Variants in INSL6 observed in about 807,000 individuals in gnomAD.
INSL6 encodes the protein insulin-like peptide INSL6.
Under a neutral mutation model 9.4 loss-of-function variants are expected in INSL6, and 16 were observed. The ratio of observed to expected loss-of-function variants is 1.70; its 90% CI spans 1.15 to 2.59. The LOEUF is 2.59. INSL6 is among the 30% of genes most tolerant of loss of function. The pLI is 0.00. For missense variants in INSL6, 391 were observed against 257.3 expected (o/e 1.52, Z -3.56); for synonymous variants, 154 against 96.9 (o/e 1.59, Z -3.46).
chr9:5,137,587 C>A (rs1056606629), intron 2 of INSL6, among the ~76,000 whole-genome samples: 1 of 152,054 alleles, frequency 6.6e-6, no homozygotes, highest in Non-Finnish European at 1.5e-5. Context: ...CAAAAATTAA[C>A]TCAAGATGGA....
chr9:5,134,786 G>A (rs1486338605), intron 2 of INSL6, among the ~76,000 whole-genome samples: 1 of 151,978 alleles, frequency 6.6e-6, no homozygotes, highest in Non-Finnish European at 1.5e-5. Flanking sequence ...CAACTAAAGG[G>A]CAAAATAATC....
At chr9:5,147,340 C>T (rs922810989) in intron 2 of INSL6, among the ~76,000 whole-genome samples, 2 of 152,152 alleles carry the variant, frequency 1.3e-5, no homozygotes, top group Non-Finnish European at 1.5e-5. Context: ...CTGCAGCTTG[C>T]TGGAGGTGTG....
At chr9:4,997,881 A>T in the INSL6 span, among the ~76,000 whole-genome samples, 1 of 151,854 alleles carries the variant, frequency 6.6e-6, no homozygotes, top group Non-Finnish European at 1.5e-5. Context: ...ATGTTTATGT[A>T]TTTCTTATTG....
At chr9:5,064,047 T>G in the INSL6 span, among the ~76,000 whole-genome samples, 1 of 152,132 alleles carries the variant, frequency 6.6e-6, no homozygotes, top group Non-Finnish European at 1.5e-5. Context: ...TCCCAGCTTT[T>G]TGGGAGACTG....
downstream of INSL6, chr9:5,122,907 C>A (rs1307677230): frequency 1.7e-5 from 13 of 751,738 alleles, no homozygotes; most frequent in Admixed American, 2.8e-4. Flanking sequence ...CTTTTCTCTA[C>A]ATGTTTTTTT....
At chr9:5,048,067 A>T in the INSL6 span, among the ~76,000 whole-genome samples, 1 of 152,046 alleles carries the variant, frequency 6.6e-6, no homozygotes, top group East Asian at 1.9e-4. Flanking sequence ...CATTTTTCAT[A>T]TATTTATTGT....
the INSL6 span, chr9:5,077,434 T>A: frequency 1.1e-5 from 10 of 913,750 alleles, no homozygotes; most frequent in Non-Finnish European, 1.5e-5. Context: ...TTATTATTAT[T>A]ACTTATATTT....
chr9:5,111,772 G>A, the INSL6 span: 9 of 422,160 alleles, frequency 2.1e-5, no homozygotes, highest in South Asian at 1.1e-4. Context: ...GTGGGCTTCC[G>A]GCTGCATCCA....
At chr9:5,114,030 C>A in the INSL6 span, 2 of 317,514 alleles carry the variant, frequency 6.3e-6, no homozygotes, top group Non-Finnish European at 6.3e-6. Flanking sequence ...CATCGCCTCT[C>A]CCATACTGGA....
intron 2 of INSL6, among the ~76,000 whole-genome samples, chr9:5,158,398 G>C (rs1824860512): frequency 6.6e-6 from 1 of 152,142 alleles, no homozygotes; most frequent in Non-Finnish European, 1.5e-5. Flanking sequence ...GTGAATTTAA[G>C]CCAAAGAAGA....
the INSL6 span, among the ~76,000 whole-genome samples, chr9:5,027,620 G>A: frequency 1.3e-5 from 2 of 152,160 alleles, no homozygotes; most frequent in East Asian, 1.9e-4. Flanking sequence ...CTATTTGATA[G>A]CATTTTACCC....
the INSL6 span, among the ~76,000 whole-genome samples, chr9:5,065,875 A>G: frequency 1.3e-5 from 2 of 152,184 alleles, no homozygotes; most frequent in African/African-American, 4.8e-5. Context: ...ATCTTGGGTA[A>G]TATAAAGAGT....
At chr9:5,154,789 C>T (rs553775160) in intron 2 of INSL6, among the ~76,000 whole-genome samples, 1 of 152,318 alleles carries the variant, frequency 6.6e-6, no homozygotes, top group East Asian at 1.9e-4. Context: ...CATCACACAC[C>T]AGTTAGAATG....
At chr9:5,070,357 A>C in the INSL6 span, among the ~76,000 whole-genome samples, 1,019 of 152,188 alleles carry the variant, frequency 6.7e-3, 13 homozygotes, top group African/African-American at 0.023. Context: ...GTTCTCAAGA[A>C]AGTAAGGGAA....
chr9:5,103,219 A>T, the INSL6 span, among the ~76,000 whole-genome samples: 1 of 111,844 alleles, frequency 8.9e-6, no homozygotes, highest in Non-Finnish European at 1.8e-5. Flanking sequence ...GCAAAGGGAA[A>T]GCAAAAAAAA....
the INSL6 span, among the ~76,000 whole-genome samples, chr9:5,021,738 G>C: frequency 2.0e-5 from 3 of 152,096 alleles, no homozygotes; most frequent in East Asian, 5.8e-4. Context: ...CAATTCTTCC[G>C]CTCCACTCCC....
chr9:5,127,507 G>GAT, intron 3 of INSL6: 1 of 231,092 alleles, frequency 4.3e-6, no homozygotes, highest in Non-Finnish European at 8.6e-6. Flanking sequence ...AGCTTACAAA[G>GAT]ATATAATCTA....
At chr9:5,166,107 T>C (rs1299523897) in intron 1 of INSL6, among the ~76,000 whole-genome samples, 2 of 152,180 alleles carry the variant, frequency 1.3e-5, no homozygotes, top group African/African-American at 4.8e-5. Context: ...GAACCAAAGC[T>C]AGAAGGATTC....
At chr9:5,022,217 A>T in the INSL6 span, 1 of 1,606,710 alleles carries the variant, frequency 6.2e-7, no homozygotes, top group Non-Finnish European at 8.5e-7. Context: ...GCTTGTGGTA[A>T]GTATTAAAAA....
Sources: allele counts gnomAD v4.1 joint callset (sites outside exome capture counted in the v4.1 genomes callset), GRCh38; gene constraint gnomAD v4.1.1; transcripts MANE v1.5; gene names NCBI Gene and HGNC (gene_info 2026-07-23, HGNC 2026-07-21).